TBCE: variants seen among roughly 807,000 people sequenced by gnomAD.
TBCE encodes the protein tubulin folding cofactor E.
A neutral mutation model predicts 77.0 loss-of-function variants in TBCE; 53 were observed. The ratio of observed to expected loss-of-function variants is 0.69; its 90% CI spans 0.55 to 0.87. The LOEUF (loss-of-function observed/expected upper bound fraction) is 0.87, where lower values mean the gene tolerates loss of function less well. Ranked by LOEUF, TBCE falls within the 40% of genes least tolerant of loss-of-function variation. The pLI, the probability that TBCE is intolerant of heterozygous loss-of-function variation, is 0.00. For synonymous variants in TBCE, 235 were observed against 241.3 expected, an observed-to-expected ratio of 0.97 and a Z score of 0.24; for missense variants, 624 against 622.4, an observed-to-expected ratio of 1.00 and a Z score of -0.03.
rs201345658 is a variant in TBCE at position 235,438,926 on chromosome 1, C to T, written c.1270+4C>T. On this transcript the variant is annotated splice_donor_region_variant and intron_variant, in intron 13 of 16. Coordinates refer to ENST00000642610, the MANE Select transcript of TBCE (RefSeq NM_003193.5). ...AGATACCAGTTCCTCTGCCTGAGTA[C>T]GTGCGTATACACTGGTGGCCTTCAG... 6.3e-5 allele frequency: 101 copies of T among 1,614,122 alleles called. No homozygotes were observed. Among genetic ancestry groups the T allele is most frequent in the East Asian group, 2.7e-4 (12 of 44,866 alleles).
chr1:235,433,157 C>T (rs1681205582), intron 7 of TBCE: 1 of 1,428,242 alleles, frequency 7.0e-7, no homozygotes, highest in African/African-American at 1.4e-5. Context: ...ATCTGCAGGA[C>T]TGTTTGCAGG....
intron 3 of TBCE, among the ~76,000 whole-genome samples, chr1:235,402,078 T>C (rs1375870554): frequency 1.3e-5 from 2 of 150,676 alleles, no homozygotes; most frequent in African/African-American, 2.4e-5. Flanking sequence ...TTTTTTTTTT[T>C]TTTTGAGACG....
intron 7 of TBCE, chr1:235,433,982 G>T: frequency 1.7e-6 from 1 of 587,408 alleles, no homozygotes; most frequent in Non-Finnish European, 3.1e-6. Context: ...GCCTCAAAGT[G>T]CCCACAGTGT....
intron 4 of TBCE, chr1:235,415,007 G>A: frequency 3.4e-6 from 1 of 292,214 alleles, no homozygotes; most frequent in Non-Finnish European, 6.7e-6. Context: ...GGTGCCGTCT[G>A]TTAATAGTAG....
chr1:235,436,279 A>G, intron 9 of TBCE, 107 bp from the exon 10 acceptor site: 2 of 985,578 alleles, frequency 2.0e-6, no homozygotes, highest in Non-Finnish European at 3.2e-6. Context: ...TTTACATGGG[A>G]TTAAAAACCC....
chr1:235,444,631 C>A (rs1268922126), intron 15 of TBCE, among the ~76,000 whole-genome samples: 1 of 152,210 alleles, frequency 6.6e-6, no homozygotes, highest in Non-Finnish European at 1.5e-5. Context: ...CCTCAAACTC[C>A]TGAGCTCAAG....
At chr1:235,375,725 A>G (rs1169016732) in intron 1 of TBCE, among the ~76,000 whole-genome samples, 2 of 152,094 alleles carry the variant, frequency 1.3e-5, no homozygotes, top group African/African-American at 4.8e-5. Context: ...AGAAACGTTC[A>G]GAGACTAGAC....
At chr1:235,372,467 G>A (rs576426118) in intron 1 of TBCE, among the ~76,000 whole-genome samples, 1 of 152,212 alleles carries the variant, frequency 6.6e-6, no homozygotes, top group South Asian at 2.1e-4. Context: ...GTTTTCTTTG[G>A]AGTTGTAAAT....
intron 2 of TBCE, among the ~76,000 whole-genome samples, chr1:235,400,244 A>G (rs1679014084): frequency 6.6e-6 from 1 of 151,724 alleles, no homozygotes; most frequent in Non-Finnish European, 1.5e-5. Flanking sequence ...ATTACTTTAC[A>G]TTGTCTGTAT....
In TBCE at chr1:235,399,553, C is replaced by G. The variant is rs1277041724; in HGVS notation, c.101-1950C>G. Among the ~76,000 whole-genome samples the G allele has an allele frequency of 5.3e-5, 8 of 152,214 alleles. No individual in the cohort carries two copies. In the East Asian group the frequency reaches 1.5e-3, roughly 29 times the overall value. ...CAGGAATGCTAATGTCTTTGAACTT[C>G]TAGATAGCTGAATCTGTGAAGGTTC... On this transcript the variant is annotated intron_variant, in intron 2 of 16. Transcript: ENST00000642610.
At chr1:235,440,401 T>A (rs907032789) in intron 13 of TBCE, among the ~76,000 whole-genome samples, 5 of 151,730 alleles carry the variant, frequency 3.3e-5, no homozygotes, top group African/African-American at 7.3e-5. Flanking sequence ...TATATATATA[T>A]ATTTTTTTGA....
Position 235,450,659 on chromosome 1 carries a change from A to C in TBCE, c.*1897A>C, listed in dbSNP as rs1682842827. On this transcript the variant is annotated 3_prime_UTR_variant, in exon 17 of 17. Coordinates refer to ENST00000642610, the MANE Select transcript of TBCE (RefSeq NM_003193.5). The stretch of plus-strand genomic sequence containing the variant: ...CATGTTTGCTAGTAAAGGTGTGTCT[A>C]TGGCAGTATTAGTAACAGCTATTAT... 3.4e-6 allele frequency: 1 copy of C among 292,080 alleles called. No individual in the cohort carries two copies. Among genetic ancestry groups the C allele is most frequent in the Non-Finnish European group, 6.7e-6 (1 of 150,186 alleles). The allele number at this position is 292,080 out of a possible 1,614,324, so 18.1% of individuals were successfully genotyped here.
chr1:235,401,498 G>C lies in TBCE; in HGVS notation c.101-5G>C, dbSNP rs113829976. On this transcript the variant is annotated splice_region_variant and splice_polypyrimidine_tract_variant and intron_variant, in intron 2 of 16. Coordinates refer to ENST00000642610, the MANE Select transcript of TBCE (RefSeq NM_003193.5). ...TTACTCATTTGGTTTTTCTTGTTCT[G>C]CTAGGACCCTGGTTAGGAGTAGAAT... 1 of 1,613,390 alleles carries C rather than the reference G, an allele frequency of 6.2e-7. No individual in the cohort carries two copies. The highest frequency in any genetic ancestry group is 8.5e-7 in the Non-Finnish European group (1 of 1,179,504).
intron 5 of TBCE, among the ~76,000 whole-genome samples, chr1:235,424,779 A>T (rs751603563): frequency 6.6e-6 from 1 of 152,166 alleles, no homozygotes; most frequent in Non-Finnish European, 1.5e-5. Flanking sequence ...TGCTGGGATT[A>T]TAGGTATGAG....
intron 5 of TBCE, among the ~76,000 whole-genome samples, chr1:235,423,105 C>A (rs974447040): frequency 6.6e-6 from 1 of 152,144 alleles, no homozygotes; most frequent in East Asian, 1.9e-4. Flanking sequence ...TCCAGTCATC[C>A]TTTTTTGGGT....
intron 6 of TBCE, chr1:235,429,120 C>T (rs751127241): frequency 5.9e-5 from 9 of 151,588 alleles, no homozygotes; most frequent in Non-Finnish European, 1.3e-4. Context: ...TCCTGAGTAG[C>T]TGGGACTATG....
chr1:235,431,093 T>C (rs933021506), intron 7 of TBCE, among the ~76,000 whole-genome samples: 1 of 152,222 alleles, frequency 6.6e-6, no homozygotes, highest in African/African-American at 2.4e-5. Flanking sequence ...CAGTATGTGC[T>C]GAGCTTCAAA....
chr1:235,373,794 GCC>G (rs1677125004), intron 1 of TBCE, among the ~76,000 whole-genome samples: 4 of 145,418 alleles, frequency 2.8e-5, no homozygotes, highest in African/African-American at 7.9e-5. Flanking sequence ...GACTACAAGC[GCC>G]CGCCACCACG....
Position 235,406,829 on chromosome 1 carries a change from CTTTTTT to C in TBCE, c.185+5259_185+5264del, listed in dbSNP as rs141351182. Among the ~76,000 whole-genome samples the C allele has an allele frequency of 5.4e-3, 409 of 76,200 alleles. 3 individuals carry two copies. Among genetic ancestry groups the C allele is most frequent in the African/African-American group, 0.021 (387 of 18,230 alleles). The allele number at this position is 76,200 out of a possible 152,430, so 50.0% of individuals were successfully genotyped here. On this transcript the variant is annotated intron_variant, in intron 3 of 16. Transcript: ENST00000642610. ...ACAGGCATAAGCCACTGCTCCTGGG[CTTTTTT>C]TTTTTTTTTTTTTTTTGAGACGGAG...
Sources: gnomAD v4.1 joint callset for allele counts (sites outside exome capture counted in the v4.1 genomes callset) on GRCh38, gnomAD v4.1.1 for gene constraint, MANE v1.5 for transcripts, NCBI Gene and HGNC (gene_info 2026-07-23, HGNC 2026-07-21) for gene names.